SAXO1: variants seen among roughly 807,000 people sequenced by gnomAD.
SAXO1 encodes stabilizer of axonemal microtubules 1, also known as 4930500O09Rik.
SAXO1 carries 21 observed loss-of-function variants against 17.5 expected under a neutral mutation model. The observed-to-expected ratio is 1.20, with a 90% confidence interval of 0.85 to 1.72. SAXO1 has a LOEUF of 1.72. Ranked by LOEUF, SAXO1 falls within the 40% of genes most tolerant of loss-of-function variation. The probability of loss-of-function intolerance (pLI) is 0.00; values close to 1 mark genes in which losing one functional copy is unlikely to be tolerated. For missense variants in SAXO1, 843 were observed against 596.0 expected (o/e 1.41, Z -4.32); for synonymous variants, 274 against 216.5 (o/e 1.27, Z -2.33).
intron 1 of SAXO1, chr9:19,026,926 G>T: frequency 1.2e-6 from 1 of 805,522 alleles, no homozygotes. Flanking sequence ...AAGCAAGATG[G>T]AACTGGGGTG....
At position 18,928,346 on chromosome 9, in the gene SAXO1, G is replaced by C; in HGVS notation, c.1131C>G (p.His377Gln). 1 of 1,613,576 alleles carries C rather than the reference G, an allele frequency of 6.2e-7. No homozygotes were observed. The highest frequency in any genetic ancestry group is 8.5e-7 in the Non-Finnish European group (1 of 1,179,780). Residue 377 changes from histidine (H) to glutamine (Q), a missense_variant, in exon 4 of 4, where the codon CAC (histidine) becomes CAG (glutamine). Coordinates refer to ENST00000380534, the MANE Select transcript of SAXO1 (RefSeq NM_153707.4). ...PLDCLTTTRA[H>Q]YVPHLPINTK... is the part of the protein sequence containing the mutation. Reference sequence around the variant, plus strand: ...TATTGATAGGCAGGTGGGGCACATAGTGGGCCCGAGTGGTGGTCAGGCAGT... The same window carrying C: ...TATTGATAGGCAGGTGGGGCACATACTGGGCCCGAGTGGTGGTCAGGCAGT...
intron 3 of SAXO1, among the ~76,000 whole-genome samples, chr9:18,933,979 G>A (rs1341110138): frequency 6.6e-6 from 1 of 152,162 alleles, no homozygotes; most frequent in East Asian, 1.9e-4. Context: ...CCGGGAGGCG[G>A]AGCTTGCAGT....
At chr9:18,950,435 A>G (rs1413725270) in intron 2 of SAXO1, among the ~76,000 whole-genome samples, 1 of 152,072 alleles carries the variant, frequency 6.6e-6, no homozygotes, top group Admixed American at 6.6e-5. Context: ...CTTTTCAGCA[A>G]CATCCCCCAC....
chr9:18,951,978 ATGAAT>A (rs961853108), intron 1 of SAXO1, among the ~76,000 whole-genome samples: 1 of 152,250 alleles, frequency 6.6e-6, no homozygotes, highest in African/African-American at 2.4e-5. Context: ...CTAGTGATGA[ATGAAT>A]TGAACAAATG....
chr9:19,028,295 G>A (rs1016213313), intron 1 of SAXO1, among the ~76,000 whole-genome samples: 4 of 152,198 alleles, frequency 2.6e-5, no homozygotes, highest in Non-Finnish European at 4.4e-5. Context: ...AGAATCGCTT[G>A]AGCCCGGGAG....
intron 1 of SAXO1, among the ~76,000 whole-genome samples, chr9:19,029,255 G>A (rs1007321616): frequency 3.9e-5 from 6 of 152,194 alleles, no homozygotes; most frequent in Admixed American, 2.6e-4. Context: ...TTCGGAAGAA[G>A]AGAATGTGAG....
chr9:19,040,204 A>C (rs1451183968), intron 1 of SAXO1, among the ~76,000 whole-genome samples: 1 of 152,322 alleles, frequency 6.6e-6, no homozygotes, highest in East Asian at 1.9e-4. Context: ...ATAAGGGTAG[A>C]GTTTACATGC....
intron 1 of SAXO1, among the ~76,000 whole-genome samples, chr9:18,960,345 T>C (rs1832433788): frequency 6.6e-6 from 1 of 152,152 alleles, no homozygotes; most frequent in African/African-American, 2.4e-5. Flanking sequence ...GATACCACTC[T>C]GGAATGTTCT....
chr9:19,008,409 C>T (rs183080509), intron 1 of SAXO1, among the ~76,000 whole-genome samples: 2 of 152,220 alleles, frequency 1.3e-5, no homozygotes, highest in Admixed American at 1.3e-4. Context: ...TTTTAAAGAT[C>T]CAAGCAATAG....
intron 3 of SAXO1, among the ~76,000 whole-genome samples, chr9:18,931,813 T>C (rs938194454): frequency 1.3e-5 from 2 of 152,254 alleles, no homozygotes; most frequent in Admixed American, 6.5e-5. Flanking sequence ...GCTCTTCATG[T>C]GCTTTCATTG....
chr9:19,017,731 A>G (rs1835045229), intron 1 of SAXO1, among the ~76,000 whole-genome samples: 1 of 152,278 alleles, frequency 6.6e-6, no homozygotes, highest in African/African-American at 2.4e-5. Flanking sequence ...TCCCTGGTCC[A>G]TCATTTAAAA....
chr9:18,981,610 CTGTGTTTTTCTAATATATCTTTAGA>C (rs369852355), intron 1 of SAXO1, among the ~76,000 whole-genome samples: 202 of 152,304 alleles, frequency 1.3e-3, no homozygotes, highest in African/African-American at 4.8e-3. Context: ...TTCTGTGCCT[CTGTGTTTTTCTAATATATCTTTAGA>C]ACAGGCATTC....
chr9:19,036,281 A>C (rs1390137411), upstream of SAXO1, among the ~76,000 whole-genome samples: 2 of 152,016 alleles, frequency 1.3e-5, no homozygotes, highest in African/African-American at 2.4e-5. Context: ...AAAGAAAGAA[A>C]GAAAAAAGAA....
chr9:19,032,658 C>A (rs73645569), intron 1 of SAXO1, among the ~76,000 whole-genome samples: 1,793 of 152,310 alleles, frequency 0.012, 29 homozygotes, highest in African/African-American at 0.041. Context: ...TCAAGTGAAG[C>A]GGCACAGAAG....
chr9:19,035,909 C>T (rs1441417854), upstream of SAXO1, among the ~76,000 whole-genome samples: 1 of 152,164 alleles, frequency 6.6e-6, no homozygotes, highest in South Asian at 2.1e-4. Flanking sequence ...TAAAGGCATT[C>T]AGTTTTATAA....
intron 1 of SAXO1, among the ~76,000 whole-genome samples, chr9:19,038,265 C>A (rs1027411019): frequency 3.9e-5 from 6 of 151,962 alleles, no homozygotes; most frequent in African/African-American, 2.4e-5. Flanking sequence ...GGGTATATAC[C>A]CAAAGGACTA....
At chr9:18,945,274 C>A (rs1831741264) in intron 2 of SAXO1, among the ~76,000 whole-genome samples, 1 of 152,160 alleles carries the variant, frequency 6.6e-6, no homozygotes, top group African/African-American at 2.4e-5. Context: ...TTTTCCAGAC[C>A]CAACCGCTGC....
chr9:19,018,167 CA>C (rs879664616), intron 1 of SAXO1, among the ~76,000 whole-genome samples: 231 of 130,800 alleles, frequency 1.8e-3, no homozygotes, highest in African/African-American at 2.7e-3. Context: ...GACCCCATCT[CA>C]AAAAAAAAAA....
chr9:18,948,037 G>A (rs1414805711), intron 2 of SAXO1, among the ~76,000 whole-genome samples: 3 of 152,290 alleles, frequency 2.0e-5, no homozygotes, highest in East Asian at 3.9e-4. Context: ...GAAGTGGGTG[G>A]GATGTTCCAG....
Sources: gnomAD v4.1 joint callset for allele counts (sites outside exome capture counted in the v4.1 genomes callset) on GRCh38, gnomAD v4.1.1 for gene constraint, MANE v1.5 for transcripts, NCBI Gene and HGNC (gene_info 2026-07-23, HGNC 2026-07-21) for gene names.